Variants in TBC1D32 observed in about 807,000 individuals in gnomAD.
The protein encoded by TBC1D32 is TBC1 domain family member 32.
In TBC1D32, 151 loss-of-function variants were observed where a neutral mutation model predicts 170.3. The observed-to-expected ratio is 0.89, with a 90% CI of 0.78 to 1.01. The LOEUF is 1.01. TBC1D32 is among the 50% of genes least tolerant of loss of function. TBC1D32 has a pLI of 0.00. For synonymous variants in TBC1D32, 498 were observed against 488.0 expected (o/e 1.02, Z -0.27); for missense variants, 1,464 against 1,457.1 (o/e 1.00, Z -0.08).
At chr6:121,246,194 C>T (rs77478031) in intron 17 of TBC1D32, among the ~76,000 whole-genome samples, 2,089 of 152,134 alleles carry the variant, frequency 0.014, 41 homozygotes, top group African/African-American at 0.046. Flanking sequence ...CCAGTCCTGC[C>T]GGAGACAGTG....
At chr6:121,320,990 T>C (rs1201326700) in intron 2 of TBC1D32, among the ~76,000 whole-genome samples, 1 of 152,206 alleles carries the variant, frequency 6.6e-6, no homozygotes, top group Non-Finnish European at 1.5e-5. Flanking sequence ...TACCCTGAGA[T>C]GCCAGGCAGG....
chr6:121,113,757 T>C (rs1779427409), intron 27 of TBC1D32, among the ~76,000 whole-genome samples: 1 of 152,208 alleles, frequency 6.6e-6, no homozygotes, highest in Non-Finnish European at 1.5e-5. Context: ...CAAAAACTTC[T>C]GTACTTTTTA....
intron 15 of TBC1D32, among the ~76,000 whole-genome samples, chr6:121,271,826 T>G (rs1801478833): frequency 6.6e-6 from 1 of 151,096 alleles, no homozygotes; most frequent in Non-Finnish European, 1.5e-5. Flanking sequence ...AGACAAAAGC[T>G]GGAGGCACCA....
chr6:121,299,328 G>A (rs17083389), intron 10 of TBC1D32, 118 bp downstream of exon 10: 21,834 of 1,153,800 alleles, frequency 0.019, 744 homozygotes, highest in East Asian at 0.14. Context: ...CATAAAAGGC[G>A]AATTGCTTCA....
At chr6:121,138,904 G>A (rs995943286) in intron 24 of TBC1D32, among the ~76,000 whole-genome samples, 2 of 151,008 alleles carry the variant, frequency 1.3e-5, no homozygotes, top group Middle Eastern at 6.5e-3. Flanking sequence ...GAGTGCAGTA[G>A]AGCAATCTCG....
chr6:121,249,881 T>C (rs1189583015), intron 17 of TBC1D32, among the ~76,000 whole-genome samples: 1 of 151,834 alleles, frequency 6.6e-6, no homozygotes, highest in Non-Finnish European at 1.5e-5. Context: ...ATGGGTAGAA[T>C]CAATATTATG....
chr6:121,321,582 G>A, intron 2 of TBC1D32, 51 bp downstream of exon 2: 1 of 1,552,788 alleles, frequency 6.4e-7, no homozygotes, highest in African/African-American at 1.4e-5. Flanking sequence ...GTGCTGTCAA[G>A]ACGTCTTGTT....
At chr6:121,239,847 T>C (rs1033335605) in intron 19 of TBC1D32, among the ~76,000 whole-genome samples, 1 of 152,126 alleles carries the variant, frequency 6.6e-6, no homozygotes, top group Non-Finnish European at 1.5e-5. Flanking sequence ...AAACACAACA[T>C]TGAATCCTAA....
chr6:121,306,835 T>C (rs1807389487), intron 5 of TBC1D32, among the ~76,000 whole-genome samples: 1 of 152,210 alleles, frequency 6.6e-6, no homozygotes, highest in South Asian at 2.1e-4. Flanking sequence ...AGAAACTTTC[T>C]ATATTTGCTT....
Position 121,222,875 on chromosome 6 carries a change from C to A in TBC1D32, c.2481+361G>T, listed in dbSNP as rs1206262538. ...TATAAGCAGAAAACGCAGTGGACTC[C>A]GTGGATACAATTTATTCCTAATTAT... On this transcript the variant is annotated intron_variant, in intron 21 of 31. Transcript: ENST00000398212. Among the ~76,000 whole-genome samples the A allele has an allele frequency of 2.0e-5, 3 of 152,090 alleles. No individual in the cohort carries two copies. The South Asian group carries it at 6.2e-4, about 32-fold the overall frequency.
chr6:121,255,951 C>T, intron 16 of TBC1D32, 133 bp downstream of exon 16: 1 of 761,726 alleles, frequency 1.3e-6, no homozygotes, highest in Non-Finnish European at 2.1e-6. Context: ...ATTATGTCCC[C>T]TAGAGTACTG....
rs748120787 is a variant in TBC1D32, at chr6:121,161,042, T to C, written c.2585A>G (p.Asp862Gly). 3.7e-6 allele frequency: 6 copies of C among 1,611,878 alleles called. No individual in the cohort carries two copies. The highest frequency in any genetic ancestry group is 1.6e-4 in the Middle Eastern group (1 of 6,084). Residue 862 changes from aspartate (D) to glycine (G), a missense_variant, in exon 23 of 32, where the codon GAT becomes GGT. Coordinates refer to ENST00000398212, the MANE Select transcript of TBC1D32 (RefSeq NM_152730.6). ...ATGATTTCTCTCCACTGATAAGCCATCAATTATAAAGTCCCTGAAAAAATA... is the reference window on the plus strand; with the variant it reads ...ATGATTTCTCTCCACTGATAAGCCACCAATTATAAAGTCCCTGAAAAAATA... ...HIFGLRDFII[D>G]GLSVERNHVL...
chr6:121,161,058 T>C lies in TBC1D32; in HGVS notation c.2571-2A>G. ...GATAAGCCATCAATTATAAAGTCCCTGAAAAAATAAATATATCACCTTTGT... is the reference window on the plus strand; with the variant it reads ...GATAAGCCATCAATTATAAAGTCCCCGAAAAAATAAATATATCACCTTTGT... On this transcript the variant is annotated splice_acceptor_variant, in intron 22 of 31. Transcript: ENST00000398212. LOFTEE classifies it high-confidence loss of function. 3 of 1,599,132 alleles carry C rather than the reference T, an allele frequency of 1.9e-6. No homozygotes were observed. The highest frequency in any genetic ancestry group is 1.7e-4 in the Middle Eastern group (1 of 6,030).
intron 28 of TBC1D32, 104 bp downstream of exon 28, chr6:121,112,953 ATAGCT>A (rs1779335661): frequency 7.6e-6 from 6 of 784,900 alleles, no homozygotes; most frequent in Non-Finnish European, 1.0e-5. Context: ...AATCACTAAT[ATAGCT>A]TAAAGTACTA....
intron 31 of TBC1D32, among the ~76,000 whole-genome samples, chr6:121,087,960 T>C (rs936914746): frequency 6.6e-6 from 1 of 151,768 alleles, no homozygotes; most frequent in Non-Finnish European, 1.5e-5. Context: ...ATTTTTTTTT[T>C]TTTTTTTTGA....
rs1292836014 is a variant in TBC1D32, at chr6:121,079,777, T to G, written c.*994A>C. ...ATTTAGAAATGTATTCTCCTTTATA[T>G]TTTCAAGTTCAGTACAAGTAAAATA... On this transcript the variant is annotated 3_prime_UTR_variant, in exon 32 of 32. Transcript: ENST00000398212. 1 of 152,146 alleles carries G rather than the reference T, an allele frequency of 6.6e-6. No homozygotes were observed. Among genetic ancestry groups the G allele is most frequent in the Non-Finnish European group, 1.5e-5 (1 of 68,002 alleles). The allele number at this position is 152,146 out of a possible 1,614,324, so 9.4% of individuals were successfully genotyped here.
chr6:121,098,088 C>A (rs1777621885), intron 30 of TBC1D32, among the ~76,000 whole-genome samples: 1 of 151,604 alleles, frequency 6.6e-6, no homozygotes, highest in Non-Finnish European at 1.5e-5. Flanking sequence ...GGAGAAATAC[C>A]TAATGTAGAT....
intron 15 of TBC1D32, among the ~76,000 whole-genome samples, chr6:121,259,100 C>A (rs1799427320): frequency 6.6e-6 from 1 of 152,010 alleles, no homozygotes; most frequent in Non-Finnish European, 1.5e-5. Flanking sequence ...GAGTTCGAGA[C>A]CAGCCTGGAC....
chr6:121,197,020 T>C (rs1289975), intron 22 of TBC1D32, among the ~76,000 whole-genome samples: 150,528 of 152,252 alleles, frequency 0.99, 74,443 homozygotes, highest in Non-Finnish European at 1. Flanking sequence ...GACAAAACAA[T>C]GATTCCATTA....
Sources: gnomAD v4.1 joint callset for allele counts (sites outside exome capture counted in the v4.1 genomes callset) on GRCh38, gnomAD v4.1.1 for gene constraint, MANE v1.5 for transcripts, NCBI Gene and HGNC (gene_info 2026-07-23, HGNC 2026-07-21) for gene names.